SLC41A2: variants seen among roughly 807,000 people sequenced by gnomAD.
The protein encoded by SLC41A2 is SLC41A1-like 1.
A neutral mutation model predicts 58.3 loss-of-function variants in SLC41A2; 32 were observed. The ratio of observed to expected loss-of-function variants is 0.55; its 90% CI spans 0.41 to 0.74. The LOEUF (loss-of-function observed/expected upper bound fraction) is 0.74, where lower values mean the gene tolerates loss of function less well. Ranked by LOEUF, SLC41A2 falls within the 30% of genes least tolerant of loss-of-function variation. The probability of loss-of-function intolerance (pLI) is 0.00; values close to 1 mark genes in which losing one functional copy is unlikely to be tolerated. For synonymous variants in SLC41A2, 190 were observed against 235.0 expected, an observed-to-expected ratio of 0.81 and a Z score of 1.75; for missense variants, 514 against 680.6, an observed-to-expected ratio of 0.76 and a Z score of 2.72.
At chr12:104,838,518 AAACT>A (rs1418765077) in intron 10 of SLC41A2, among the ~76,000 whole-genome samples, 2 of 152,238 alleles carry the variant, frequency 1.3e-5, no homozygotes, top group Non-Finnish European at 2.9e-5. Flanking sequence ...GTAATAGCAA[AAACT>A]AACTAGACTT....
intron 4 of SLC41A2, among the ~76,000 whole-genome samples, chr12:104,891,121 A>G (rs1419106810): frequency 6.6e-6 from 1 of 151,926 alleles, no homozygotes; most frequent in African/African-American, 2.4e-5. Context: ...ACTTTTGTCT[A>G]CTTGTGACTG....
At chr12:104,955,279 G>C (rs1439441723) in intron 1 of SLC41A2, among the ~76,000 whole-genome samples, 1 of 152,010 alleles carries the variant, frequency 6.6e-6, no homozygotes, top group African/African-American at 2.4e-5. Flanking sequence ...GCCTCCCAAA[G>C]TGCTGGGATT....
At chr12:104,854,232 C>T (rs528987501) in intron 8 of SLC41A2, among the ~76,000 whole-genome samples, 55 of 151,982 alleles carry the variant, frequency 3.6e-4, no homozygotes, top group African/African-American at 1.0e-3. Flanking sequence ...TTGATTCAAA[C>T]GGCTCCTTCA....
chr12:104,818,365 C>A (rs903373895), intron 10 of SLC41A2, among the ~76,000 whole-genome samples: 2 of 151,998 alleles, frequency 1.3e-5, no homozygotes, highest in African/African-American at 4.8e-5. Context: ...AAATTTCATC[C>A]TCTGAAATTT....
intron 1 of SLC41A2, among the ~76,000 whole-genome samples, chr12:104,932,159 G>T (rs1344079186): frequency 6.6e-6 from 1 of 152,078 alleles, no homozygotes; most frequent in Non-Finnish European, 1.5e-5. Flanking sequence ...TATTGACAAG[G>T]TCTATTATCT....
intron 3 of SLC41A2, among the ~76,000 whole-genome samples, chr12:104,895,754 A>C (rs1398152293): frequency 6.6e-6 from 1 of 152,186 alleles, no homozygotes; most frequent in East Asian, 1.9e-4. Flanking sequence ...TTAAAGAATT[A>C]TTGACCCAAA....
At chr12:104,942,377 C>T (rs145435310) in intron 1 of SLC41A2, among the ~76,000 whole-genome samples, 45 of 151,352 alleles carry the variant, frequency 3.0e-4, no homozygotes, top group African/African-American at 1.1e-3. Flanking sequence ...ACTCTGGAGA[C>T]TGAGGTGGGA....
At chr12:104,925,816 T>C (rs1027923664) in intron 2 of SLC41A2, among the ~76,000 whole-genome samples, 4 of 152,196 alleles carry the variant, frequency 2.6e-5, no homozygotes. Flanking sequence ...TATAGTTAAA[T>C]ACTGAGTGTT....
chr12:104,845,885 G>A lies in SLC41A2; in HGVS notation c.1345C>T (p.Pro449Ser). 6.2e-7 allele frequency: 1 copy of A among 1,613,824 alleles called. No individual in the cohort carries two copies. The highest frequency in any genetic ancestry group is 8.5e-7 in the Non-Finnish European group (1 of 1,179,842). Residue 449 changes from proline to serine, a missense_variant, in exon 9 of 11, where the codon CCC becomes TCC. By Grantham distance (74) the Pro-to-Ser change is moderately conservative. Transcript: ENST00000258538. ...HSIPGELPDE[P>S]KGCYYPFRTF... ...CTAAATGGGTAGTAACAACCTTTGG[G>A]TTCATCAGGCAATTCTCCTGGAATG...
intron 10 of SLC41A2, among the ~76,000 whole-genome samples, chr12:104,816,852 C>T (rs57947195): frequency 0.013 from 1,925 of 152,226 alleles, 51 homozygotes; most frequent in African/African-American, 0.044. Context: ...GGTTGCAGGA[C>T]CCCCCTCCCG....
intron 2 of SLC41A2, among the ~76,000 whole-genome samples, chr12:104,919,331 A>G (rs988325401): frequency 3.9e-5 from 6 of 152,240 alleles, no homozygotes; most frequent in African/African-American, 1.4e-4. Context: ...TTGTATGAAC[A>G]TAAGTCTGCA....
At chr12:104,813,602 T>G (rs961097173) in intron 10 of SLC41A2, among the ~76,000 whole-genome samples, 1 of 152,188 alleles carries the variant, frequency 6.6e-6, no homozygotes, top group East Asian at 1.9e-4. Context: ...AATTTAAATA[T>G]ATATGTATAT....
chr12:104,938,265 T>C (rs2047361072), intron 1 of SLC41A2, among the ~76,000 whole-genome samples: 1 of 152,256 alleles, frequency 6.6e-6, no homozygotes, highest in African/African-American at 2.4e-5. Context: ...GTATTGGTTA[T>C]ATTTTTTAAG....
chr12:104,871,304 T>A (rs889392347), intron 6 of SLC41A2, among the ~76,000 whole-genome samples: 1 of 152,210 alleles, frequency 6.6e-6, no homozygotes, highest in Admixed American at 6.5e-5. Flanking sequence ...TAAATCTTCT[T>A]GGAACTTATG....
Position 104,876,529 on chromosome 12 carries a change from G to A in SLC41A2, c.1027+9764C>T, listed in dbSNP as rs867148983. On this transcript the variant is annotated intron_variant, in intron 6 of 10. Transcript: ENST00000258538. ...CTTCTTTGACCTCTTGGTTGTTCAG[G>A]AGCATGATGTTTAATTTCCACATGT... Among the ~76,000 whole-genome samples, 6 of 151,954 alleles carry A rather than the reference G, an allele frequency of 3.9e-5. No individual in the cohort carries two copies. The South Asian group carries it at 8.3e-4, about 21-fold the overall frequency.
intron 1 of SLC41A2, among the ~76,000 whole-genome samples, chr12:104,940,400 T>C (rs1336464362): frequency 6.6e-6 from 1 of 151,514 alleles, no homozygotes; most frequent in Non-Finnish European, 1.5e-5. Context: ...TACTGTTAAA[T>C]GACGAGTTAA....
chr12:104,919,515 T>C (rs1238367044), intron 2 of SLC41A2, among the ~76,000 whole-genome samples: 1 of 152,226 alleles, frequency 6.6e-6, no homozygotes. Flanking sequence ...TCCAGTGTTG[T>C]CACTATGTTT....
intron 1 of SLC41A2, among the ~76,000 whole-genome samples, chr12:104,957,663 A>T (rs2048218142): frequency 6.6e-6 from 1 of 152,238 alleles, no homozygotes; most frequent in Admixed American, 6.5e-5. Context: ...TGCTCCGTGT[A>T]TATAAAGAGA....
At chr12:104,875,285 G>A (rs60310033) in intron 6 of SLC41A2, among the ~76,000 whole-genome samples, 6,402 of 152,188 alleles carry the variant, frequency 0.042, 180 homozygotes, top group East Asian at 0.11. Flanking sequence ...TGTTGTCGTT[G>A]TTGTTTAGGT....
Sources: gnomAD v4.1 joint callset for allele counts (sites outside exome capture counted in the v4.1 genomes callset) on GRCh38, gnomAD v4.1.1 for gene constraint, MANE v1.5 for transcripts, NCBI Gene and HGNC (gene_info 2026-07-23, HGNC 2026-07-21) for gene names.